Variants in C1D observed in about 807,000 individuals in gnomAD.
C1D encodes the protein C1D nuclear receptor corepressor.
In C1D, 10 loss-of-function variants were observed where a neutral mutation model predicts 17.5. The observed-to-expected ratio is 0.57, with a 90% CI of 0.35 to 0.97. C1D has a LOEUF of 0.97. Among genes scored for constraint, C1D ranks in the 50% least tolerant of loss-of-function variants. The pLI is 0.01. For missense variants in C1D, 136 were observed against 160.1 expected (o/e 0.85, Z 0.81); for synonymous variants, 49 against 54.0 (o/e 0.91, Z 0.40).
At chr2:68,048,663 G>C (rs1671200256) in intron 1 of C1D, among the ~76,000 whole-genome samples, 1 of 152,032 alleles carries the variant, frequency 6.6e-6, no homozygotes, top group Non-Finnish European at 1.5e-5. Flanking sequence ...CTTGAGTTGT[G>C]AAGTTACTAT....
At chr2:68,054,205 T>G (rs1671371574) in intron 1 of C1D, among the ~76,000 whole-genome samples, 1 of 152,158 alleles carries the variant, frequency 6.6e-6, no homozygotes, top group Non-Finnish European at 1.5e-5. Context: ...GAACAAAAAA[T>G]TATATGGCTA....
At chr2:68,049,955 T>G (rs934887403) in intron 1 of C1D, among the ~76,000 whole-genome samples, 7 of 152,066 alleles carry the variant, frequency 4.6e-5, no homozygotes, top group African/African-American at 1.2e-4. Flanking sequence ...ATAGACTAAA[T>G]AAACAGTTCC....
At chr2:68,048,410 C>CT (rs1671195465) in intron 1 of C1D, among the ~76,000 whole-genome samples, 1 of 152,112 alleles carries the variant, frequency 6.6e-6, no homozygotes, top group African/African-American at 2.4e-5. Flanking sequence ...TGATCACTGA[C>CT]TTTGTCACCT....
At chr2:68,058,114 CT>C (rs748496330) in intron 1 of C1D, among the ~76,000 whole-genome samples, 31 of 152,204 alleles carry the variant, frequency 2.0e-4, no homozygotes, top group Admixed American at 1.3e-3. Context: ...TCCCTGATAC[CT>C]CCTCAGCACT....
In C1D at chr2:68,042,379, T is replaced by C. The variant is rs989625988; in HGVS notation, c.*510A>G. On this transcript the variant is annotated 3_prime_UTR_variant, in exon 5 of 5. Transcript: ENST00000410067. The stretch of plus-strand genomic sequence containing the variant: ...ACCATAAAGTTTTAGTTTCACACTT[T>C]GAATATCAACAAAGCAGTAATTCCT... 1.3e-5 allele frequency: 2 copies of C among 152,682 alleles called. No homozygotes were observed. Among genetic ancestry groups the C allele is most frequent in the Non-Finnish European group, 2.9e-5 (2 of 68,048 alleles). 9.5% of individuals were successfully genotyped at this position (152,682 alleles called of 1,614,324 possible).
intron 1 of C1D, among the ~76,000 whole-genome samples, chr2:68,060,729 G>GTAAAA (rs1194529280): frequency 2.0e-5 from 3 of 151,934 alleles, no homozygotes; most frequent in Non-Finnish European, 4.4e-5. Flanking sequence ...AGACAATAAA[G>GTAAAA]TAAAATAAAA....
At chr2:68,061,564 T>C (rs1671628109) in intron 1 of C1D, among the ~76,000 whole-genome samples, 1 of 152,208 alleles carries the variant, frequency 6.6e-6, no homozygotes, top group East Asian at 1.9e-4. Context: ...AAGTTGATTA[T>C]TACAATTATC....
chr2:68,046,393 T>C lies in C1D; in HGVS notation c.156A>G (p.Gln52=), dbSNP rs1163249405. 3.7e-6 allele frequency: 6 copies of C among 1,611,314 alleles called. No homozygotes were observed. Among genetic ancestry groups the C allele is most frequent in the African/African-American group, 1.3e-5 (1 of 74,850 alleles). ...ATGCAGAAACCAAATCCACTTTTGC[T>C]TGTTCAAGTGGATCCAACTGTTAAA... ...ELLQKLDPLE[Q]AKVDLVSAYT... is the part of the protein sequence containing the mutation. Residue 52 remains glutamine (Q), a synonymous_variant, in exon 3 of 5, where the codon CAA becomes CAG. Transcript: ENST00000410067.
chr2:68,061,995 T>TTCAATAGGGCTAATCTGTTGTTTTTGAA (rs1290081596), intron 1 of C1D, among the ~76,000 whole-genome samples: 6 of 152,244 alleles, frequency 3.9e-5, no homozygotes, highest in Non-Finnish European at 8.8e-5. Flanking sequence ...TTCTCTGTAC[T>TTCAATAGGGCTAATCTGTTGTTTTTGAA]TCAATAGGGC....
At chr2:68,054,245 AC>A (rs1202695366) in intron 1 of C1D, among the ~76,000 whole-genome samples, 1 of 152,236 alleles carries the variant, frequency 6.6e-6, no homozygotes, top group Non-Finnish European at 1.5e-5. Flanking sequence ...TCTGACCCTT[AC>A]TACCGCTTCC....
intron 1 of C1D, among the ~76,000 whole-genome samples, chr2:68,050,811 A>C (rs1318158333): frequency 6.6e-6 from 1 of 152,180 alleles, no homozygotes; most frequent in Non-Finnish European, 1.5e-5. Flanking sequence ...TGCATACTCA[A>C]TATCTCTGGT....
intron 1 of C1D, among the ~76,000 whole-genome samples, chr2:68,062,067 T>C (rs141453446): frequency 1.3e-5 from 2 of 152,338 alleles, no homozygotes; most frequent in Non-Finnish European, 2.9e-5. Flanking sequence ...ACTGGATTGT[T>C]TGTAACACAA....
At chr2:68,061,916 C>T (rs1049629208) in intron 1 of C1D, among the ~76,000 whole-genome samples, 1 of 152,136 alleles carries the variant, frequency 6.6e-6, no homozygotes, top group African/African-American at 2.4e-5. Context: ...TTTGAAAAAC[C>T]GTTATTCACA....
chr2:68,060,029 C>T (rs1337864769), intron 1 of C1D, among the ~76,000 whole-genome samples: 2 of 152,330 alleles, frequency 1.3e-5, no homozygotes, highest in South Asian at 2.1e-4. Flanking sequence ...AACTCCGAAT[C>T]TTCCCACAAA....
At chr2:68,045,420 C>A (rs967739022) in intron 4 of C1D, among the ~76,000 whole-genome samples, 1 of 152,076 alleles carries the variant, frequency 6.6e-6, no homozygotes, top group Admixed American at 6.5e-5. Flanking sequence ...AGATACCAGA[C>A]CTTATATACT....
chr2:68,046,664 C>A (rs1671131097), intron 2 of C1D: 2 of 389,598 alleles, frequency 5.1e-6, no homozygotes, highest in African/African-American at 4.1e-5. Context: ...AAGTGCATAA[C>A]CCAAGAAAAA....
At chr2:68,060,292 T>C (rs1221934568) in intron 1 of C1D, among the ~76,000 whole-genome samples, 1 of 152,210 alleles carries the variant, frequency 6.6e-6, no homozygotes, top group Admixed American at 6.5e-5. Context: ...GGTTTTCACC[T>C]ACCCCACCCC....
Position 68,042,850 on chromosome 2 carries a change from GA to G in C1D, c.*38del. 1 of 357,490 alleles carries G rather than the reference GA, an allele frequency of 2.8e-6. No individual in the cohort carries two copies. The highest frequency in any genetic ancestry group is 5.1e-6 in the Non-Finnish European group (1 of 197,902). The allele number at this position is 357,490 out of a possible 1,614,324, so 22.1% of individuals were successfully genotyped here. A position where few individuals can be genotyped will look rare whatever the true frequency, so the allele number is the denominator to read the frequency against. On this transcript the variant is annotated 3_prime_UTR_variant, in exon 5 of 5. Coordinates refer to ENST00000410067, the MANE Select transcript of C1D (RefSeq NM_173177.3). ...TTGCGGGGGGGGGGGGGGGGGGGAA[GA>G]TGTACTTTTTGAATATGTGTACATC...
chr2:68,054,344 G>GAT (rs977338704), intron 1 of C1D, among the ~76,000 whole-genome samples: 2 of 152,162 alleles, frequency 1.3e-5, no homozygotes, highest in African/African-American at 4.8e-5. Context: ...ACCAGTAGGA[G>GAT]ATATATATTA....
Sources: allele counts gnomAD v4.1 joint callset (sites outside exome capture counted in the v4.1 genomes callset), GRCh38; gene constraint gnomAD v4.1.1; transcripts MANE v1.5; gene names NCBI Gene and HGNC (gene_info 2026-07-23, HGNC 2026-07-21).